ZNF827: variants seen among roughly 807,000 people sequenced by gnomAD.
ZNF827 encodes the protein zinc finger protein 827.
In ZNF827, 13 loss-of-function variants were observed where a neutral mutation model predicts 102.4. The ratio of observed to expected loss-of-function variants is 0.13; its 90% CI spans 0.08 to 0.20. The LOEUF is 0.20. ZNF827 is among the 10% of genes least tolerant of loss of function. ZNF827 has a pLI of 1.00. For synonymous variants in ZNF827, 523 were observed against 536.2 expected (o/e 0.98, Z 0.34); for missense variants, 1,103 against 1,344.4 (o/e 0.82, Z 2.81).
At chr4:145,880,857 TG>T (rs1432024627) in intron 4 of ZNF827, among the ~76,000 whole-genome samples, 1 of 152,234 alleles carries the variant, frequency 6.6e-6, no homozygotes, top group Non-Finnish European at 1.5e-5. Context: ...GCCCCCTGGC[TG>T]TTGGCACTGC....
At chr4:145,807,633 A>T (rs903329024) in intron 8 of ZNF827, among the ~76,000 whole-genome samples, 7 of 151,912 alleles carry the variant, frequency 4.6e-5, no homozygotes, top group African/African-American at 1.7e-4. Flanking sequence ...CACCACGCCC[A>T]GCTAATTTTT....
chr4:145,810,179 C>CAT (rs1174212960), intron 8 of ZNF827, among the ~76,000 whole-genome samples: 1 of 152,172 alleles, frequency 6.6e-6, no homozygotes, highest in Admixed American at 6.5e-5. Context: ...ATCATGGAAT[C>CAT]ATACCATTCA....
intron 11 of ZNF827, among the ~76,000 whole-genome samples, chr4:145,769,255 CTT>C (rs10546950): frequency 0.048 from 7,229 of 151,954 alleles, 555 homozygotes; most frequent in African/African-American, 0.16. Flanking sequence ...AGACTTCTCT[CTT>C]GGTACAAGAA....
chr4:145,895,567 A>T (rs1216032432), intron 2 of ZNF827, among the ~76,000 whole-genome samples: 2 of 152,230 alleles, frequency 1.3e-5, no homozygotes, highest in African/African-American at 4.8e-5. Context: ...TTAACTGATC[A>T]CAGCAGGAAA....
intron 5 of ZNF827, among the ~76,000 whole-genome samples, chr4:145,854,876 C>T (rs752612562): frequency 6.6e-6 from 1 of 152,194 alleles, no homozygotes; most frequent in Non-Finnish European, 1.5e-5. Context: ...TATTGTGATG[C>T]CTTACACAGC....
intron 1 of ZNF827, among the ~76,000 whole-genome samples, chr4:145,930,350 C>T (rs1369613566): frequency 1.3e-5 from 2 of 152,326 alleles, no homozygotes; most frequent in East Asian, 3.9e-4. Flanking sequence ...ACATTTCACC[C>T]TGAGATCCAC....
chr4:145,935,820 G>T (rs528466442), intron 1 of ZNF827, among the ~76,000 whole-genome samples: 1 of 152,234 alleles, frequency 6.6e-6, no homozygotes, highest in Non-Finnish European at 1.5e-5. Context: ...AGACGGAGAG[G>T]GTAGTCGCAG....
chr4:145,932,682 G>A (rs1353223483), intron 1 of ZNF827, among the ~76,000 whole-genome samples: 3 of 152,082 alleles, frequency 2.0e-5, no homozygotes, highest in Non-Finnish European at 4.4e-5. Flanking sequence ...CACCATGTTA[G>A]CCAGGATGGT....
At chr4:145,781,582 G>A (rs536051571) in intron 8 of ZNF827, among the ~76,000 whole-genome samples, 11 of 152,264 alleles carry the variant, frequency 7.2e-5, no homozygotes, top group African/African-American at 2.6e-4. Flanking sequence ...TCTTATTAAA[G>A]TAGAAATGTG....
intron 11 of ZNF827, among the ~76,000 whole-genome samples, chr4:145,770,388 C>CACT (rs1429526138): frequency 6.6e-6 from 1 of 151,318 alleles, no homozygotes; most frequent in African/African-American, 2.4e-5. Context: ...TCACTTCTAC[C>CACT]ACTTAGTAGC....
At chr4:145,872,643 G>A (rs911919560) in intron 4 of ZNF827, among the ~76,000 whole-genome samples, 8 of 152,096 alleles carry the variant, frequency 5.3e-5, no homozygotes, top group African/African-American at 1.9e-4. Context: ...TTGGGAGGCT[G>A]AAGCAGGCAG....
chr4:145,824,900 C>T (rs1051345149), intron 7 of ZNF827, among the ~76,000 whole-genome samples: 2 of 152,192 alleles, frequency 1.3e-5, no homozygotes, highest in Non-Finnish European at 2.9e-5. Flanking sequence ...GTAAAACATA[C>T]ATTAATAGAT....
At chr4:145,913,093 T>TG (rs1299875751) in intron 1 of ZNF827, among the ~76,000 whole-genome samples, 1 of 152,104 alleles carries the variant, frequency 6.6e-6, no homozygotes, top group Non-Finnish European at 1.5e-5. Flanking sequence ...AATTTTTGCT[T>TG]ATCTCTCAAT....
At chr4:145,767,322 T>C (rs1465306965) in intron 11 of ZNF827, among the ~76,000 whole-genome samples, 1 of 152,124 alleles carries the variant, frequency 6.6e-6, no homozygotes, top group African/African-American at 2.4e-5. Flanking sequence ...ATAATAGCTA[T>C]AGAAACTATC....
chr4:145,889,983 TAA>T (rs879921604), intron 3 of ZNF827, among the ~76,000 whole-genome samples: 13 of 130,092 alleles, frequency 1.0e-4, no homozygotes, highest in Non-Finnish European at 1.2e-4. Flanking sequence ...TCTCAAAAAT[TAA>T]AAAAAAAAAA....
chr4:145,838,038 A>C (rs1745046892), intron 7 of ZNF827, among the ~76,000 whole-genome samples: 1 of 152,120 alleles, frequency 6.6e-6, no homozygotes, highest in Non-Finnish European at 1.5e-5. Context: ...TTTCTTATTA[A>C]TATAAGAAGG....
chr4:145,833,545 A>G (rs1744477151), intron 7 of ZNF827, among the ~76,000 whole-genome samples: 1 of 151,650 alleles, frequency 6.6e-6, no homozygotes, highest in Admixed American at 6.6e-5. Context: ...CTTTTCTGGA[A>G]GAGGGGCAAG....
intron 1 of ZNF827, among the ~76,000 whole-genome samples, chr4:145,937,873 C>A (rs974286337): frequency 6.6e-6 from 1 of 150,848 alleles, no homozygotes; most frequent in African/African-American, 2.4e-5. Flanking sequence ...CACCCCCAAA[C>A]GCCATGTCAC....
At position 145,938,614 on chromosome 4, in the gene ZNF827, C is replaced by A; in HGVS notation, c.-207G>T. 2 of 488,374 alleles carry A rather than the reference C, an allele frequency of 4.1e-6. No homozygotes were observed. The highest frequency in any genetic ancestry group is 7.2e-6 in the Non-Finnish European group (2 of 277,768). The allele number at this position is 488,374 out of a possible 1,614,324, so 30.3% of individuals were successfully genotyped here. On this transcript the variant is annotated 5_prime_UTR_variant, in exon 1 of 15. Transcript: ENST00000508784. ...GGGGTTTTCTTCTTTTCTTTCCTTTCTTTTTTCCTTTTTTTTTTTTTTTTA... is the reference window on the plus strand; with the variant it reads ...GGGGTTTTCTTCTTTTCTTTCCTTTATTTTTTCCTTTTTTTTTTTTTTTTA...
Sources: gnomAD v4.1 joint callset for allele counts (sites outside exome capture counted in the v4.1 genomes callset) on GRCh38, gnomAD v4.1.1 for gene constraint, MANE v1.5 for transcripts, NCBI Gene and HGNC (gene_info 2026-07-23, HGNC 2026-07-21) for gene names.